The following CBLB variants were observed in gnomAD, a reference collection of about 807,000 sequenced individuals.
CBLB encodes Cbl proto-oncogene B.
In CBLB, 31 loss-of-function variants were observed where a neutral mutation model predicts 104.9. The observed-to-expected ratio is 0.30, with a 90% confidence interval of 0.22 to 0.40. The LOEUF (loss-of-function observed/expected upper bound fraction) is 0.40. Among genes scored for constraint, CBLB ranks in the 10% least tolerant of loss-of-function variants. CBLB has a pLI of 1.00. For synonymous variants in CBLB, 440 were observed against 422.6 expected (o/e 1.04, Z -0.51); for missense variants, 1,062 against 1,214.6 (o/e 0.87, Z 1.87).
At chr3:105,721,304 T>G (rs905552255) in intron 9 of CBLB, among the ~76,000 whole-genome samples, 2 of 152,184 alleles carry the variant, frequency 1.3e-5, no homozygotes, top group African/African-American at 4.8e-5. Context: ...CTTGGTTTAA[T>G]AGGAAATTAG....
intron 3 of CBLB, among the ~76,000 whole-genome samples, chr3:105,786,320 G>A (rs2081018247): frequency 1.3e-5 from 2 of 151,960 alleles, no homozygotes; most frequent in South Asian, 4.2e-4. Context: ...AAACAAAAAT[G>A]TCATTAAAAA....
intron 13 of CBLB, among the ~76,000 whole-genome samples, chr3:105,693,210 T>TC (rs544579974): frequency 3.0e-4 from 45 of 152,142 alleles, no homozygotes; most frequent in African/African-American, 8.7e-4. Context: ...AAGGGATACC[T>TC]CATTGTGCTA....
At chr3:105,736,538 T>C (rs956760948) in intron 8 of CBLB, among the ~76,000 whole-genome samples, 6 of 152,272 alleles carry the variant, frequency 3.9e-5, no homozygotes, top group Admixed American at 2.0e-4. Flanking sequence ...TCTATTTTAT[T>C]TAATCTATTA....
intron 16 of CBLB, among the ~76,000 whole-genome samples, chr3:105,678,925 C>T (rs2152720726): frequency 6.6e-6 from 1 of 152,258 alleles, no homozygotes; most frequent in South Asian, 2.1e-4. Context: ...AAATTATTAT[C>T]AGTCACACTA....
intron 3 of CBLB, among the ~76,000 whole-genome samples, chr3:105,818,840 T>C (rs1028027766): frequency 6.6e-6 from 1 of 152,124 alleles, no homozygotes; most frequent in East Asian, 1.9e-4. Flanking sequence ...AAACCTTTAG[T>C]AATTTATGAA....
At chr3:105,816,585 A>G (rs937960656) in intron 3 of CBLB, among the ~76,000 whole-genome samples, 1 of 152,206 alleles carries the variant, frequency 6.6e-6, no homozygotes, top group African/African-American at 2.4e-5. Flanking sequence ...TTTACAAAAA[A>G]AGAGAAGCAA....
chr3:105,762,741 A>T (rs770997273), intron 4 of CBLB, among the ~76,000 whole-genome samples: 3 of 152,230 alleles, frequency 2.0e-5, no homozygotes, highest in Non-Finnish European at 4.4e-5. Flanking sequence ...CTGCTAGAGC[A>T]GTGTGGGAGG....
intron 4 of CBLB, among the ~76,000 whole-genome samples, chr3:105,752,584 T>C (rs1335266077): frequency 6.6e-6 from 1 of 152,214 alleles, no homozygotes; most frequent in Non-Finnish European, 1.5e-5. Flanking sequence ...ATAGCAAATA[T>C]TTAAATCTTA....
chr3:105,764,704 C>T (rs1395824963), intron 4 of CBLB, among the ~76,000 whole-genome samples: 1 of 152,254 alleles, frequency 6.6e-6, no homozygotes, highest in Non-Finnish European at 1.5e-5. Context: ...AAAGGCATGT[C>T]TAAATCTGAC....
intron 17 of CBLB, chr3:105,671,040 G>A (rs890732914): frequency 3.3e-5 from 6 of 179,616 alleles, no homozygotes; most frequent in African/African-American, 1.2e-4. Context: ...AGTCAGAGAC[G>A]GGGCATCTGA....
intron 12 of CBLB, among the ~76,000 whole-genome samples, chr3:105,699,529 C>T (rs1012093404): frequency 6.6e-6 from 1 of 152,058 alleles, no homozygotes; most frequent in Admixed American, 6.6e-5. Context: ...GATTTTGGAG[C>T]CTGGTAACAA....
At chr3:105,770,332 C>A (rs1184473980) in intron 4 of CBLB, among the ~76,000 whole-genome samples, 1 of 152,116 alleles carries the variant, frequency 6.6e-6, no homozygotes, top group African/African-American at 2.4e-5. Flanking sequence ...AAGTACACAT[C>A]CCCACCAGGG....
chr3:105,828,228 T>C (rs999986607), intron 3 of CBLB, among the ~76,000 whole-genome samples: 1 of 152,180 alleles, frequency 6.6e-6, no homozygotes, highest in Non-Finnish European at 1.5e-5. Context: ...AGCTCACTTC[T>C]ACTCACATCC....
intron 2 of CBLB, among the ~76,000 whole-genome samples, chr3:105,854,839 G>C (rs2091405015): frequency 6.6e-6 from 1 of 151,956 alleles, no homozygotes; most frequent in Admixed American, 6.6e-5. Context: ...CACCATCTTT[G>C]TCAGGCTGGT....
chr3:105,806,803 T>C (rs2083567546), intron 3 of CBLB, among the ~76,000 whole-genome samples: 1 of 152,160 alleles, frequency 6.6e-6, no homozygotes, highest in South Asian at 2.1e-4. Context: ...GTCAATAATA[T>C]GGAATACTTA....
intron 3 of CBLB, among the ~76,000 whole-genome samples, chr3:105,818,856 G>A (rs2085427064): frequency 2.6e-5 from 4 of 151,768 alleles, no homozygotes; most frequent in African/African-American, 9.7e-5. Flanking sequence ...ATGAATATAG[G>A]ATATAGAAAA....
At chr3:105,758,065 T>C (rs192510909) in intron 4 of CBLB, among the ~76,000 whole-genome samples, 8 of 152,330 alleles carry the variant, frequency 5.3e-5, no homozygotes, top group African/African-American at 1.4e-4. Flanking sequence ...TCTGTTGACA[T>C]TTTGTATACA....
At chr3:105,707,291 T>C (rs2070305081) in intron 10 of CBLB, among the ~76,000 whole-genome samples, 1 of 152,214 alleles carries the variant, frequency 6.6e-6, no homozygotes, top group Non-Finnish European at 1.5e-5. Flanking sequence ...TGTACTGTCC[T>C]TTTGAAGAAT....
intron 3 of CBLB, among the ~76,000 whole-genome samples, chr3:105,780,649 T>C (rs1477795280): frequency 1.1e-5 from 1 of 94,506 alleles, no homozygotes; most frequent in African/African-American, 3.8e-5. Flanking sequence ...ACAATAAAAG[T>C]TTTGTTTTTT....
Sources: gnomAD v4.1 joint callset for allele counts (sites outside exome capture counted in the v4.1 genomes callset) on GRCh38, gnomAD v4.1.1 for gene constraint, MANE v1.5 for transcripts, NCBI Gene and HGNC (gene_info 2026-07-23, HGNC 2026-07-21) for gene names.